The following EDC3 variants were observed in gnomAD, a reference collection of about 807,000 sequenced individuals.
The protein encoded by EDC3 is enhancer of mRNA-decapping protein 3.
EDC3 carries 20 observed loss-of-function variants against 41.8 expected under a neutral mutation model. The ratio of observed to expected loss-of-function variants is 0.48; its 90% CI spans 0.34 to 0.70. EDC3 has a LOEUF of 0.70. Among genes scored for constraint, EDC3 ranks in the 30% least tolerant of loss-of-function variants. The pLI is 0.01. For missense variants in EDC3, 444 were observed against 636.8 expected (o/e 0.70, Z 3.26); for synonymous variants, 206 against 243.2 (o/e 0.85, Z 1.42).
intron 3 of EDC3, among the ~76,000 whole-genome samples, chr15:74,667,088 A>G (rs1204781248): frequency 6.6e-6 from 1 of 152,080 alleles, no homozygotes; most frequent in Non-Finnish European, 1.5e-5. Flanking sequence ...CTATACATGT[A>G]TACTGGAATT....
intron 3 of EDC3, among the ~76,000 whole-genome samples, chr15:74,665,214 C>T (rs1327159203): frequency 6.6e-6 from 1 of 152,158 alleles, no homozygotes; most frequent in African/African-American, 2.4e-5. Flanking sequence ...TTAGTAGAGA[C>T]AGGGTTTCGT....
At chr15:74,694,748 G>C (rs972469799) in intron 1 of EDC3, among the ~76,000 whole-genome samples, 16 of 152,200 alleles carry the variant, frequency 1.1e-4, no homozygotes, top group Admixed American at 1.0e-3. Context: ...TGTACACACT[G>C]AGTGTGCAGG....
chr15:74,664,795 T>A (rs911154718), intron 3 of EDC3, among the ~76,000 whole-genome samples: 4 of 152,190 alleles, frequency 2.6e-5, no homozygotes, highest in African/African-American at 9.6e-5. Flanking sequence ...AAAATTCACT[T>A]CCTGCCTCAG....
At chr15:74,652,808 G>A (rs1420365963) in intron 4 of EDC3, among the ~76,000 whole-genome samples, 1 of 150,248 alleles carries the variant, frequency 6.7e-6, no homozygotes, top group African/African-American at 2.4e-5. Flanking sequence ...TTGAACTCCT[G>A]AGTTCAAGCA....
chr15:74,687,196 A>C (rs1053984033), intron 1 of EDC3: 5 of 152,178 alleles, frequency 3.3e-5, no homozygotes, highest in Non-Finnish European at 4.4e-5. Flanking sequence ...CAAAAAAAAA[A>C]ACAAAAAACA....
At chr15:74,648,942 G>A (rs2062447672) in intron 4 of EDC3, among the ~76,000 whole-genome samples, 2 of 152,124 alleles carry the variant, frequency 1.3e-5, no homozygotes, top group South Asian at 4.1e-4. Context: ...TTTAAACGTT[G>A]AGATAGGATC....
At chr15:74,680,745 C>G (rs2062861867) in intron 1 of EDC3, among the ~76,000 whole-genome samples, 1 of 152,108 alleles carries the variant, frequency 6.6e-6, no homozygotes, top group Non-Finnish European at 1.5e-5. Context: ...TCCCCGTAAT[C>G]TACAAAAAGT....
chr15:74,657,228 TG>T (rs1018972781), intron 3 of EDC3, among the ~76,000 whole-genome samples: 1 of 152,218 alleles, frequency 6.6e-6, no homozygotes, highest in Admixed American at 6.5e-5. Context: ...ACACATCCTC[TG>T]GGGCTTCAGG....
chr15:74,631,202 C>T lies in EDC3; in HGVS notation c.*1410G>A, dbSNP rs1306948847. 6.6e-6 allele frequency: 1 copy of T among 152,280 alleles called. No homozygotes were observed. Among genetic ancestry groups the T allele is most frequent in the Non-Finnish European group, 1.5e-5 (1 of 68,090 alleles). The allele number at this position is 152,280 out of a possible 1,614,324, so 9.4% of individuals were successfully genotyped here. A position where few individuals can be genotyped will look rare whatever the true frequency, so the allele number is the denominator to read the frequency against. Reference sequence around the variant, plus strand: ...AAGGGAAGTGATAACAGCCTGAAACCCGTGGTACCAGGGCCTACCCTATGT... The same window carrying T: ...AAGGGAAGTGATAACAGCCTGAAACTCGTGGTACCAGGGCCTACCCTATGT... On this transcript the variant is annotated 3_prime_UTR_variant, in exon 7 of 7. Transcript: ENST00000315127.
At chr15:74,663,578 C>T (rs937762963) in intron 3 of EDC3, among the ~76,000 whole-genome samples, 1 of 151,924 alleles carries the variant, frequency 6.6e-6, no homozygotes, top group Non-Finnish European at 1.5e-5. Context: ...ACTCCAAAAT[C>T]CTTTTTAAAA....
intron 1 of EDC3, among the ~76,000 whole-genome samples, chr15:74,687,853 T>C (rs1286215622): frequency 3.9e-5 from 6 of 152,216 alleles, no homozygotes; most frequent in African/African-American, 9.6e-5. Flanking sequence ...GATGCTTAGA[T>C]AGATGCAGAA....
chr15:74,639,937 T>A (rs577527711), intron 5 of EDC3: 19 of 153,746 alleles, frequency 1.2e-4, no homozygotes, highest in African/African-American at 4.6e-4. Context: ...CAGTATTTTA[T>A]TCTTCGTGTC....
At chr15:74,684,848 T>A (rs1041305677) in intron 1 of EDC3, among the ~76,000 whole-genome samples, 1 of 152,092 alleles carries the variant, frequency 6.6e-6, no homozygotes, top group African/African-American at 2.4e-5. Flanking sequence ...TGGTGGCTCA[T>A]GCCTGTAATC....
At position 74,632,900 on chromosome 15, in the gene EDC3, G is replaced by A. The variant is rs372344016; in HGVS notation, c.1239C>T (p.Cys413=). Residue 413 remains cysteine (C), a synonymous_variant, in exon 7 of 7, where the codon TGC becomes TGT. Transcript: ENST00000315127. The surrounding 1 kb of genome is among the most constrained non-coding windows in gnomAD (Gnocchi z 4.0). ...PVDLVINCLD[C]PENVFLRDQP... ...GATCGCGCAGGAAGACGTTCTCAGG[G>A]CAATCCAGGCAGTTGATGACCAGGT... is the stretch of plus-strand genomic sequence containing the variant. The A allele has an allele frequency of 5.6e-6, 9 of 1,614,092 alleles. No homozygotes were observed. In the African/African-American group the frequency reaches 1.2e-4, roughly 22 times the overall value.
intron 1 of EDC3, among the ~76,000 whole-genome samples, chr15:74,687,710 T>C (rs1038214579): frequency 3.9e-5 from 6 of 152,150 alleles, no homozygotes; most frequent in Non-Finnish European, 7.3e-5. Flanking sequence ...ATTTCAACAA[T>C]AATGATGATG....
chr15:74,648,718 T>C (rs2062445370), intron 4 of EDC3, among the ~76,000 whole-genome samples: 2 of 152,126 alleles, frequency 1.3e-5, no homozygotes, highest in African/African-American at 4.8e-5. Flanking sequence ...CAGCGCACAG[T>C]GTGGAAGTGG....
chr15:74,660,403 C>T (rs2062607427), intron 3 of EDC3, among the ~76,000 whole-genome samples: 1 of 134,822 alleles, frequency 7.4e-6, no homozygotes, highest in East Asian at 2.1e-4. Context: ...GAGTGAGACT[C>T]CGTCTCCAAA....
chr15:74,654,182 G>C (rs1370797885), intron 4 of EDC3, among the ~76,000 whole-genome samples: 2 of 151,862 alleles, frequency 1.3e-5, no homozygotes, highest in Non-Finnish European at 2.9e-5. Context: ...GAACCCAGGA[G>C]GTGGAGGTTG....
rs149417728 is a variant in EDC3, at chr15:74,682,474, C to T, written c.-18-7332G>A. 1.1e-3 allele frequency among the ~76,000 whole-genome samples: 169 copies of T among 151,774 alleles called. 2 individuals are homozygous for T. The highest frequency in any genetic ancestry group is 3.9e-3 in the African/African-American group (161 of 41,396). ...TCTACTAAAAATACAAAAAATTAGC[C>T]GGGCATGGTGGTGGGCTCCTGTAAT... On this transcript the variant is annotated intron_variant, in intron 1 of 6. Transcript: ENST00000315127.
Sources: gnomAD v4.1 joint callset for allele counts (sites outside exome capture counted in the v4.1 genomes callset) on GRCh38, gnomAD v4.1.1 for gene constraint, Gnocchi (gnomAD v3.1) non-coding constraint, MANE v1.5 for transcripts, NCBI Gene and HGNC (gene_info 2026-07-23, HGNC 2026-07-21) for gene names.